COL22A1: variants seen among roughly 807,000 people sequenced by gnomAD.
The protein encoded by COL22A1 is collagen type XXII alpha 1 chain.
Under a neutral mutation model 248.9 loss-of-function variants are expected in COL22A1, and 221 were observed. The ratio of observed to expected loss-of-function variants is 0.89; its 90% CI spans 0.80 to 0.99. The LOEUF is 0.99. Among genes scored for constraint, COL22A1 ranks in the 50% least tolerant of loss-of-function variants. The pLI is 0.00. For missense variants in COL22A1, 2,240 were observed against 2,179.0 expected, an observed-to-expected ratio of 1.03 and a Z score of -0.56; for synonymous variants, 891 against 793.4, an observed-to-expected ratio of 1.12 and a Z score of -2.07.
At chr8:138,768,338 C>T (rs1834074898) in intron 16 of COL22A1, among the ~76,000 whole-genome samples, 2 of 152,182 alleles carry the variant, frequency 1.3e-5, no homozygotes, top group African/African-American at 2.4e-5. Context: ...ACACTCTTGC[C>T]CGAGCCTGCC....
intron 37 of COL22A1, 121 bp downstream of exon 37, chr8:138,688,796 T>C: frequency 1.3e-6 from 1 of 786,036 alleles, no homozygotes; most frequent in Non-Finnish European, 2.2e-6. Context: ...CCCTCCTACT[T>C]AGTAAACCCC....
At chr8:138,896,954 CAG>C (rs1825458249) in intron 1 of COL22A1, among the ~76,000 whole-genome samples, 1 of 145,736 alleles carries the variant, frequency 6.9e-6, no homozygotes, top group African/African-American at 2.5e-5. Flanking sequence ...GCCTGGGTGA[CAG>C]AGAGAGACTC....
chr8:138,856,765 C>T (rs1822061530), intron 3 of COL22A1, among the ~76,000 whole-genome samples: 1 of 152,168 alleles, frequency 6.6e-6, no homozygotes, highest in African/African-American at 2.4e-5. Context: ...GCCTGTGGGA[C>T]ACACTCCCAG....
chr8:138,604,372 A>G (rs548292291), intron 59 of COL22A1, among the ~76,000 whole-genome samples: 1 of 152,350 alleles, frequency 6.6e-6, no homozygotes, highest in African/African-American at 2.4e-5. Context: ...GCAGTGTTCA[A>G]GTGAGAGCAG....
At chr8:138,624,980 A>C (rs544657555) in intron 51 of COL22A1, among the ~76,000 whole-genome samples, 1 of 152,360 alleles carries the variant, frequency 6.6e-6, no homozygotes, top group East Asian at 1.9e-4. Context: ...TACAGCACAG[A>C]ATATAACCCC....
chr8:138,669,613 C>A (rs1824834239), intron 41 of COL22A1, among the ~76,000 whole-genome samples: 1 of 152,150 alleles, frequency 6.6e-6, no homozygotes, highest in Non-Finnish European at 1.5e-5. Context: ...AGCAGAGTGA[C>A]CAAGGCCAGC....
At chr8:138,795,528 GACAC>G (rs6150850) in intron 12 of COL22A1, among the ~76,000 whole-genome samples, 171 of 144,842 alleles carry the variant, frequency 1.2e-3, no homozygotes, top group East Asian at 6.4e-3. Flanking sequence ...CTCTCTTTCA[GACAC>G]ACACACACAC....
chr8:138,809,945 G>C (rs1247902774), intron 9 of COL22A1, among the ~76,000 whole-genome samples: 1 of 152,202 alleles, frequency 6.6e-6, no homozygotes, highest in Non-Finnish European at 1.5e-5. Flanking sequence ...GACATGGAAA[G>C]ATCCAATCTC....
At chr8:138,710,003 G>T (rs547589197) in intron 30 of COL22A1, among the ~76,000 whole-genome samples, 174 of 152,280 alleles carry the variant, frequency 1.1e-3, no homozygotes, top group African/African-American at 3.7e-3. Flanking sequence ...TCAGGAACCT[G>T]GGGGGAACAG....
intron 22 of COL22A1, among the ~76,000 whole-genome samples, chr8:138,749,002 C>T (rs958899272): frequency 6.6e-5 from 10 of 152,134 alleles, no homozygotes; most frequent in Non-Finnish European, 1.5e-4. Context: ...GTGAATAAGT[C>T]TCACGAGATT....
At chr8:138,906,361 C>T (rs1469918905) in intron 1 of COL22A1, among the ~76,000 whole-genome samples, 1 of 73,774 alleles carries the variant, frequency 1.4e-5, no homozygotes. Flanking sequence ...CAGAGCATGA[C>T]TCCGTCTCAA....
chr8:138,662,593 T>C (rs1346123216), intron 42 of COL22A1, among the ~76,000 whole-genome samples: 2 of 152,194 alleles, frequency 1.3e-5, no homozygotes. Flanking sequence ...TCTTTCATTA[T>C]GGATCTCATT....
At chr8:138,885,235 C>T (rs1457000435) in intron 1 of COL22A1, among the ~76,000 whole-genome samples, 5 of 152,168 alleles carry the variant, frequency 3.3e-5, no homozygotes, top group Non-Finnish European at 5.9e-5. Context: ...CTGGAACGCC[C>T]CCACTCCACT....
chr8:138,685,438 C>A (rs1024115945), intron 37 of COL22A1, 126 bp from the exon 38 acceptor site: 1 of 729,678 alleles, frequency 1.4e-6, no homozygotes, highest in African/African-American at 1.8e-5. Flanking sequence ...AAGGCCCATG[C>A]TTTCTGGGAC....
At position 138,589,102 on chromosome 8, in the gene COL22A1, C is replaced by A; in HGVS notation, c.*151G>T. ...CTGTTGGATTTAATAATTTTGAGGT[C>A]TCTCAAGAAAATAAAACAAAAAGCA... On this transcript the variant is annotated 3_prime_UTR_variant, in exon 65 of 65. Transcript: ENST00000303045. 1.4e-6 allele frequency: 1 copy of A among 693,172 alleles called. No homozygotes were observed. The highest frequency in any genetic ancestry group is 1.8e-5 in the South Asian group (1 of 54,352). The allele number at this position is 693,172 out of a possible 1,614,324, so 42.9% of individuals were successfully genotyped here.
intron 23 of COL22A1, among the ~76,000 whole-genome samples, chr8:138,737,087 G>A (rs566702072): frequency 7.9e-4 from 121 of 152,236 alleles, no homozygotes; most frequent in African/African-American, 2.7e-3. Flanking sequence ...CCAGCGCTGC[G>A]CTGCGGCCCA....
chr8:138,731,254 T>C (rs979253815), intron 23 of COL22A1, among the ~76,000 whole-genome samples: 1 of 151,854 alleles, frequency 6.6e-6, no homozygotes, highest in Non-Finnish European at 1.5e-5. Flanking sequence ...TGATCCAAGA[T>C]TGCACCATTG....
chr8:138,903,373 T>TG (rs773334903), intron 1 of COL22A1, among the ~76,000 whole-genome samples: 2 of 152,178 alleles, frequency 1.3e-5, no homozygotes, highest in Non-Finnish European at 2.9e-5. Flanking sequence ...CAGGACAGAC[T>TG]GGGGGGCCTT....
intron 22 of COL22A1, among the ~76,000 whole-genome samples, chr8:138,741,061 C>T (rs901534925): frequency 1.2e-4 from 18 of 152,202 alleles, no homozygotes; most frequent in Non-Finnish European, 2.6e-4. Context: ...TTCACACCAT[C>T]ATCTCCTAAG....
Sources: gnomAD v4.1 joint callset for allele counts (sites outside exome capture counted in the v4.1 genomes callset) on GRCh38, gnomAD v4.1.1 for gene constraint, MANE v1.5 for transcripts, NCBI Gene and HGNC (gene_info 2026-07-23, HGNC 2026-07-21) for gene names.